FGF5: variants seen among roughly 807,000 people sequenced by gnomAD.
FGF5 encodes fibroblast growth factor 5, also known as heparin-binding growth factor 5.
In FGF5, 23 loss-of-function variants were observed where a neutral mutation model predicts 21.8. The ratio of observed to expected loss-of-function variants is 1.05; its 90% CI spans 0.76 to 1.49. The LOEUF is 1.49. Among genes scored for constraint, FGF5 ranks in the 40% most tolerant of loss-of-function variants. The pLI is 0.00. For synonymous variants in FGF5, 158 were observed against 124.0 expected (o/e 1.27, Z -1.82); for missense variants, 352 against 332.9 (o/e 1.06, Z -0.45).
At chr4:80,269,995 T>C (rs1455812218) in intron 1 of FGF5, among the ~76,000 whole-genome samples, 2 of 152,250 alleles carry the variant, frequency 1.3e-5, no homozygotes, top group Non-Finnish European at 2.9e-5. Flanking sequence ...CTAATTACAA[T>C]TGGTCATTTA....
chr4:80,267,254 C>A, intron 1 of FGF5, 75 bp downstream of exon 1: 1 of 1,212,120 alleles, frequency 8.3e-7, no homozygotes, highest in Non-Finnish European at 1.2e-6. Flanking sequence ...AGGTATTCGC[C>A]GGGACACAGG....
intron 1 of FGF5, among the ~76,000 whole-genome samples, chr4:80,271,314 G>GA (rs1720266204): frequency 6.6e-6 from 1 of 152,066 alleles, no homozygotes; most frequent in Admixed American, 6.6e-5. Context: ...TGCATAAGTG[G>GA]AATAGACTGT....
intron 2 of FGF5, among the ~76,000 whole-genome samples, chr4:80,284,605 A>C (rs1006477968): frequency 1.3e-5 from 2 of 152,186 alleles, no homozygotes; most frequent in African/African-American, 2.4e-5. Context: ...ATTGAACTAC[A>C]CTTAAATATA....
In FGF5 at chr4:80,288,617, A is replaced by C. The variant is rs908712085; in HGVS notation, c.*1945A>C. ...AAAAATATTACTCTAGTTTATTCTAATCTATTGTTAAGTATTGTGCACTGT... is the reference window on the plus strand; with the variant it reads ...AAAAATATTACTCTAGTTTATTCTACTCTATTGTTAAGTATTGTGCACTGT... On this transcript the variant is annotated 3_prime_UTR_variant, in exon 3 of 3. Coordinates refer to ENST00000312465, the MANE Select transcript of FGF5 (RefSeq NM_004464.4). 3 of 152,376 alleles carry C rather than the reference A, an allele frequency of 2.0e-5. No individual in the cohort carries two copies. Among genetic ancestry groups the C allele is most frequent in the Non-Finnish European group, 2.9e-5 (2 of 68,032 alleles). The allele number at this position is 152,376 out of a possible 1,614,324, so 9.4% of individuals were successfully genotyped here. A position where few individuals can be genotyped will look rare whatever the true frequency, so the allele number is the denominator to read the frequency against.
rs1434953558 is a variant in FGF5, at chr4:80,287,239, T to C, written c.*567T>C. 2.6e-5 allele frequency: 4 copies of C among 152,224 alleles called. No homozygotes were observed. Among genetic ancestry groups the C allele is most frequent in the African/African-American group, 9.6e-5 (4 of 41,462 alleles). The allele number at this position is 152,224 out of a possible 1,614,324, so 9.4% of individuals were successfully genotyped here. A position where few individuals can be genotyped will look rare whatever the true frequency, so the allele number is the denominator to read the frequency against. On this transcript the variant is annotated 3_prime_UTR_variant, in exon 3 of 3. Coordinates refer to ENST00000312465, the MANE Select transcript of FGF5 (RefSeq NM_004464.4). ...GTAATATGGAAATCTTTTACATTTT[T>C]CCTATTCACTGCACTTTTTTATTGT...
intron 1 of FGF5, among the ~76,000 whole-genome samples, chr4:80,269,491 C>T (rs1302815745): frequency 1.5e-4 from 23 of 152,094 alleles, no homozygotes; most frequent in Non-Finnish European, 5.9e-5. Context: ...AGAGTGCACC[C>T]AGATAAACAA....
At chr4:80,268,784 G>T (rs1382761622) in intron 1 of FGF5, among the ~76,000 whole-genome samples, 1 of 152,232 alleles carries the variant, frequency 6.6e-6, no homozygotes, top group African/African-American at 2.4e-5. Context: ...GCACCAGCGA[G>T]TCCCAGGGCC....
At position 80,286,385 on chromosome 4, in the gene FGF5, T is replaced by C. The variant is rs587777581; in HGVS notation, c.520T>C (p.Tyr174His). 6.2e-7 allele frequency: 1 copy of C among 1,613,770 alleles called. No individual in the cohort carries two copies. The highest frequency in any genetic ancestry group is 8.5e-7 in the Non-Finnish European group (1 of 1,179,866). ...TTTTCAAGAAAATAGCTATAATACC[T>C]ATGCCTCAGCAATACATAGAACTGA... ...ERFQENSYNT[Y>H]ASAIHRTEKT... Residue 174 changes from tyrosine (Y) to histidine (H), a missense_variant, in exon 3 of 3, where the codon TAT becomes CAT. Physicochemically the swap from Tyr to His is moderately conservative, Grantham distance 83. Coordinates refer to ENST00000312465, the MANE Select transcript of FGF5 (RefSeq NM_004464.4).
rs1384068776 is a variant in FGF5 at position 80,288,998 on chromosome 4, T to A, written c.*2326T>A. The A allele has an allele frequency of 1.4e-5, 2 of 146,902 alleles. No homozygotes were observed. The highest frequency in any genetic ancestry group is 3.0e-5 in the Non-Finnish European group (2 of 66,230). 9.1% of individuals were successfully genotyped at this position (146,902 alleles called of 1,614,324 possible). A position where few individuals can be genotyped will look rare whatever the true frequency, so the allele number is the denominator to read the frequency against. On this transcript the variant is annotated 3_prime_UTR_variant, in exon 3 of 3. Transcript: ENST00000312465. ...GTCTTTACTGGCCATACAAAATGAT[T>A]TTTTTTTTTTTTTTGAGACAGAGTC...
At chr4:80,280,626 TG>T (rs1720525216) in intron 2 of FGF5, among the ~76,000 whole-genome samples, 1 of 152,194 alleles carries the variant, frequency 6.6e-6, no homozygotes, top group Non-Finnish European at 1.5e-5. Flanking sequence ...TTTACTTCTC[TG>T]GCTGAAAAAA....
intron 2 of FGF5, among the ~76,000 whole-genome samples, chr4:80,284,868 T>C (rs1720664680): frequency 6.6e-6 from 1 of 152,230 alleles, no homozygotes; most frequent in Admixed American, 6.5e-5. Flanking sequence ...CGTATAAAAC[T>C]TCTTGGTTTG....
At chr4:80,277,449 T>C (rs1395191210) in intron 2 of FGF5, among the ~76,000 whole-genome samples, 1 of 152,188 alleles carries the variant, frequency 6.6e-6, no homozygotes, top group East Asian at 1.9e-4. Flanking sequence ...GTAAACCTAA[T>C]TAAATTATAA....
At chr4:80,274,811 CAAT>C in intron 1 of FGF5, 95 bp from the exon 2 acceptor site, 1 of 629,840 alleles carries the variant, frequency 1.6e-6, no homozygotes, top group South Asian at 2.0e-5. Flanking sequence ...TTTAAAATCA[CAAT>C]AATAAAGAAT....
At chr4:80,281,028 T>A (rs1720538205) in intron 2 of FGF5, among the ~76,000 whole-genome samples, 1 of 152,066 alleles carries the variant, frequency 6.6e-6, no homozygotes, top group African/African-American at 2.4e-5. Flanking sequence ...TAAAGCCAAC[T>A]TGTGTATTTT....
intron 2 of FGF5, among the ~76,000 whole-genome samples, chr4:80,276,007 G>C (rs1291219195): frequency 1.3e-5 from 2 of 151,888 alleles, no homozygotes; most frequent in Non-Finnish European, 2.9e-5. Context: ...TGATTTGATA[G>C]ATCTTTAAAA....
Position 80,266,759 on chromosome 4 carries a change from G to T in FGF5, c.-66G>T. On this transcript the variant is annotated 5_prime_UTR_variant, in exon 1 of 3. Transcript: ENST00000312465. ...CGGGCAGAGCCAGAGGCACGCAGCCGCACAGGGGCTACAGAGCCCAGAATC... is the reference window on the plus strand; with the variant it reads ...CGGGCAGAGCCAGAGGCACGCAGCCTCACAGGGGCTACAGAGCCCAGAATC... 2.2e-6 allele frequency: 3 copies of T among 1,358,556 alleles called. No individual in the cohort carries two copies. Among genetic ancestry groups the T allele is most frequent in the African/African-American group, 1.5e-5 (1 of 68,722 alleles). 84.2% of individuals were successfully genotyped at this position (1,358,556 alleles called of 1,614,324 possible). A position where few individuals can be genotyped will look rare whatever the true frequency, so the allele number is the denominator to read the frequency against.
intron 2 of FGF5, among the ~76,000 whole-genome samples, chr4:80,277,616 T>C (rs35376859): frequency 0.028 from 4,237 of 152,216 alleles, 166 homozygotes; most frequent in African/African-American, 0.095. Context: ...TTGATTTAGT[T>C]AATAGTTTTG....
intron 2 of FGF5, among the ~76,000 whole-genome samples, chr4:80,282,039 T>G (rs1270825422): frequency 6.6e-6 from 1 of 152,144 alleles, no homozygotes. Flanking sequence ...CCCAGCTCAC[T>G]GCAACCTCCG....
At chr4:80,283,981 A>T (rs957542819) in intron 2 of FGF5, among the ~76,000 whole-genome samples, 4 of 152,230 alleles carry the variant, frequency 2.6e-5, no homozygotes, top group African/African-American at 7.2e-5. Context: ...CAAATCTACA[A>T]TGAATTTGTA....
Sources: allele counts gnomAD v4.1 joint callset (sites outside exome capture counted in the v4.1 genomes callset), GRCh38; gene constraint gnomAD v4.1.1; transcripts MANE v1.5; gene names NCBI Gene and HGNC (gene_info 2026-07-23, HGNC 2026-07-21).